EPHA5: variants seen among roughly 807,000 people sequenced by gnomAD.
EPHA5 encodes the protein EPH receptor A5.
In EPHA5, 60 loss-of-function variants were observed where a neutral mutation model predicts 105.0. The ratio of observed to expected loss-of-function variants is 0.57; its 90% CI spans 0.46 to 0.71. The LOEUF (loss-of-function observed/expected upper bound fraction) is 0.71, where lower values mean the gene tolerates loss of function less well. Among genes scored for constraint, EPHA5 ranks in the 30% least tolerant of loss-of-function variants. EPHA5 has a pLI of 0.00. For synonymous variants in EPHA5, 513 were observed against 449.1 expected (o/e 1.14, Z -1.80); for missense variants, 1,218 against 1,274.7 (o/e 0.96, Z 0.68).
intron 3 of EPHA5, among the ~76,000 whole-genome samples, chr4:65,598,943 G>A (rs1437824296): frequency 6.6e-6 from 1 of 152,100 alleles, no homozygotes; most frequent in African/African-American, 2.4e-5. Flanking sequence ...AACCACTGAA[G>A]TGTATAAAGT....
In EPHA5 at chr4:65,490,710, G is replaced by T. The variant is rs2149214658; in HGVS notation, c.1069C>A (p.Pro357Thr). ...SDPPTMACTR[P>T]PSAPRNAISN... Reference sequence around the variant, plus strand: ...ATGGCATTCCGAGGAGCAGAGGGGGGTCCTGGTTTACAAAGTAAAGTAAGA... The same window carrying T: ...ATGGCATTCCGAGGAGCAGAGGGGGTTCCTGGTTTACAAAGTAAAGTAAGA... The change falls in exon 5 of 17, where the codon CCC becomes ACC. Residue 357 changes from proline to threonine, a missense_variant and splice_region_variant. Physicochemically the swap from Pro to Thr is conservative, Grantham distance 38. Transcript: ENST00000613740. 6.2e-7 allele frequency: 1 copy of T among 1,612,004 alleles called. No homozygotes were observed. Among genetic ancestry groups the T allele is most frequent in the Non-Finnish European group, 8.5e-7 (1 of 1,178,340 alleles).
chr4:65,356,447 GATCAGACAACTT>G (rs1002850936), intron 11 of EPHA5, among the ~76,000 whole-genome samples: 1 of 151,406 alleles, frequency 6.6e-6, no homozygotes, highest in African/African-American at 2.4e-5. Flanking sequence ...AGAATGTGCT[GATCAGACAACTT>G]ATTAACACTG....
chr4:65,330,548 AGAGAC>A (rs1350528296), intron 16 of EPHA5: 1 of 435,418 alleles, frequency 2.3e-6, no homozygotes, highest in Admixed American at 6.4e-5. Flanking sequence ...TAATAACAAA[AGAGAC>A]ATTGTTTAAT....
intron 3 of EPHA5, among the ~76,000 whole-genome samples, chr4:65,584,184 C>T (rs950511138): frequency 6.6e-6 from 1 of 151,318 alleles, no homozygotes; most frequent in African/African-American, 2.4e-5. Flanking sequence ...TAAACAAAAC[C>T]TGTAATGAAA....
At position 65,448,476 on chromosome 4, in the gene EPHA5, C is replaced by T. The variant is rs538115725; in HGVS notation, c.1403-27911G>A. ...TAGCCTGGCCAATATGGCGAAACCCCGTCTCTATTAAAAATACAAAAATTA... is the reference window on the plus strand; with the variant it reads ...TAGCCTGGCCAATATGGCGAAACCCTGTCTCTATTAAAAATACAAAAATTA... On this transcript the variant is annotated intron_variant, in intron 5 of 16. Transcript: ENST00000613740. Among the ~76,000 whole-genome samples the T allele has an allele frequency of 1.0e-3, 154 of 151,996 alleles. 1 individual carries two copies. Among genetic ancestry groups the T allele is most frequent in the Non-Finnish European group, 2.0e-3 (136 of 67,996 alleles).
At chr4:65,486,164 C>T (rs919071322) in intron 5 of EPHA5, among the ~76,000 whole-genome samples, 4 of 152,068 alleles carry the variant, frequency 2.6e-5, no homozygotes, top group Admixed American at 6.5e-5. Flanking sequence ...CAGTGAAGTT[C>T]GAAGTTCCTC....
rs34038643 is a variant in EPHA5 at position 65,656,131 on chromosome 4, TAAAAA to T, written c.182-12709_182-12705del. 2.5e-3 allele frequency among the ~76,000 whole-genome samples: 273 copies of T among 109,592 alleles called. 1 individual carries two copies. The highest frequency in any genetic ancestry group is 8.6e-3 in the African/African-American group (251 of 29,298). 71.9% of individuals were successfully genotyped at this position (109,592 alleles called of 152,430 possible). A position where few individuals can be genotyped will look rare whatever the true frequency, so the allele number is the denominator to read the frequency against. On this transcript the variant is annotated intron_variant, in intron 1 of 16. Transcript: ENST00000613740. ...TTTTGAACTTGCTGCTGCTGCTGCT[TAAAAA>T]AAAAAAAAAAAAAAAAAAGTCCCTA...
intron 15 of EPHA5, among the ~76,000 whole-genome samples, chr4:65,334,756 C>T (rs1354814139): frequency 1.3e-5 from 2 of 151,862 alleles, no homozygotes; most frequent in African/African-American, 2.4e-5. Flanking sequence ...TTTAAATGCT[C>T]TCAAGCTGTA....
chr4:65,415,432 C>G (rs923055070), intron 6 of EPHA5, among the ~76,000 whole-genome samples: 1 of 151,854 alleles, frequency 6.6e-6, no homozygotes, highest in African/African-American at 2.4e-5. Flanking sequence ...TATGTAATGT[C>G]AAAGTTAACT....
chr4:65,632,087 G>A lies in EPHA5; in HGVS notation c.246+11276C>T, dbSNP rs116717857. ...TCCTTATAACAACCTTGTACAGTAG[G>A]TAGTATTATACATAATGTATAGATG... On this transcript the variant is annotated intron_variant, in intron 2 of 16. Transcript: ENST00000613740. Among the ~76,000 whole-genome samples, 380 of 152,052 alleles carry A rather than the reference G, an allele frequency of 2.5e-3. 2 individuals carry two copies. The highest frequency in any genetic ancestry group is 8.8e-3 in the African/African-American group (364 of 41,508).
chr4:65,650,701 G>T (rs943474973), intron 1 of EPHA5, among the ~76,000 whole-genome samples: 1 of 151,990 alleles, frequency 6.6e-6, no homozygotes, highest in Non-Finnish European at 1.5e-5. Flanking sequence ...TAAATCACCT[G>T]CTCTGTTTCA....
intron 3 of EPHA5, among the ~76,000 whole-genome samples, chr4:65,511,999 G>A (rs2149262109): frequency 6.6e-6 from 1 of 152,268 alleles, no homozygotes; most frequent in East Asian, 1.9e-4. Flanking sequence ...AGTGCTATGG[G>A]CTAGGCATGT....
At chr4:65,386,209 A>G (rs1720067977) in intron 8 of EPHA5, among the ~76,000 whole-genome samples, 1 of 151,996 alleles carries the variant, frequency 6.6e-6, no homozygotes, top group Admixed American at 6.6e-5. Flanking sequence ...CTGTTCATGC[A>G]ATTTACAAAA....
chr4:65,364,985 C>T lies in EPHA5; in HGVS notation c.2173+32G>A, dbSNP rs1320881002. 3.2e-6 allele frequency: 5 copies of T among 1,578,484 alleles called. No homozygotes were observed. In the African/African-American group the frequency reaches 4.1e-5, roughly 13 times the overall value. On this transcript the variant is annotated intron_variant, in intron 11 of 16. Transcript: ENST00000613740. The stretch of plus-strand genomic sequence containing the variant: ...AATCTAGACAGATATTGAGGATATG[C>T]ACACACATGTATAATTTGCCATCAT...
At chr4:65,502,486 CA>C (rs1269396294) in intron 3 of EPHA5, among the ~76,000 whole-genome samples, 1 of 150,544 alleles carries the variant, frequency 6.6e-6, no homozygotes, top group Non-Finnish European at 1.5e-5. Context: ...ATACAGTCAA[CA>C]AACATGAAAA....
chr4:65,472,032 C>T (rs960009561), intron 5 of EPHA5, among the ~76,000 whole-genome samples: 1 of 152,150 alleles, frequency 6.6e-6, no homozygotes, highest in Non-Finnish European at 1.5e-5. Context: ...AAGTCCCTTC[C>T]ACCTAGGAGG....
At chr4:65,407,037 T>A (rs1722429160) in intron 7 of EPHA5, among the ~76,000 whole-genome samples, 1 of 152,126 alleles carries the variant, frequency 6.6e-6, no homozygotes, top group South Asian at 2.1e-4. Flanking sequence ...CAAATCTGTA[T>A]AATGAAAATG....
chr4:65,518,078 G>T (rs181278645), intron 3 of EPHA5, among the ~76,000 whole-genome samples: 34 of 151,772 alleles, frequency 2.2e-4, no homozygotes, highest in African/African-American at 8.2e-4. Flanking sequence ...AGAACACAAA[G>T]GACATTTTAC....
intron 8 of EPHA5, among the ~76,000 whole-genome samples, chr4:65,371,972 T>A (rs1718520197): frequency 6.6e-6 from 1 of 151,970 alleles, no homozygotes; most frequent in Non-Finnish European, 1.5e-5. Context: ...GCTTTTCCTA[T>A]ATATTGAAGC....
Sources: allele counts gnomAD v4.1 joint callset (sites outside exome capture counted in the v4.1 genomes callset), GRCh38; gene constraint gnomAD v4.1.1; transcripts MANE v1.5; gene names NCBI Gene and HGNC (gene_info 2026-07-23, HGNC 2026-07-21).